Variants in WDR35 observed in about 807,000 individuals in gnomAD.
WDR35 encodes WD repeat-containing protein 35.
Under a neutral mutation model 158.3 loss-of-function variants are expected in WDR35, and 118 were observed. That is an observed-to-expected ratio of 0.75 (90% CI 0.64 to 0.87). WDR35 has a LOEUF of 0.87. WDR35 is among the 40% of genes least tolerant of loss of function. The pLI is 0.00. For missense variants in WDR35, 1,263 were observed against 1,405.8 expected (o/e 0.90, Z 1.62); for synonymous variants, 448 against 476.1 (o/e 0.94, Z 0.77).
At position 19,934,024 on chromosome 2, in the gene WDR35, AACC is replaced by A. The variant is rs57759587; in HGVS notation, c.2548-516_2548-514del. The stretch of plus-strand genomic sequence containing the variant: ...TTGGAAAGTGGTGGCAGCGAGGAAG[AACC>A]ACCACCACCACCACCACCACCACCA... On this transcript the variant is annotated intron_variant, in intron 21 of 26. Transcript: ENST00000281405. The surrounding 1 kb of genome is among the most constrained non-coding windows in gnomAD (Gnocchi z 4.6). Among the ~76,000 whole-genome samples, 1,340 of 105,074 alleles carry A rather than the reference AACC, an allele frequency of 0.013. 19 individuals are homozygous for A. The highest frequency in any genetic ancestry group is 0.016 in the Non-Finnish European group (865 of 54,080). 68.9% of individuals were successfully genotyped at this position (105,074 alleles called of 152,430 possible). A position where few individuals can be genotyped will look rare whatever the true frequency, so the allele number is the denominator to read the frequency against.
At chr2:19,965,403 G>T (rs1281875956) in intron 10 of WDR35, among the ~76,000 whole-genome samples, 1 of 152,158 alleles carries the variant, frequency 6.6e-6, no homozygotes, top group African/African-American at 2.4e-5. Context: ...GAGCCTCACT[G>T]ACTGGCGTCT....
chr2:19,952,509 A>G (rs1044099271), intron 12 of WDR35, among the ~76,000 whole-genome samples: 22 of 152,168 alleles, frequency 1.4e-4, no homozygotes, highest in African/African-American at 5.3e-4. Context: ...AACTAATGTC[A>G]TAATCTCTTT....
At chr2:19,952,299 C>T (rs886386864) in intron 12 of WDR35, among the ~76,000 whole-genome samples, 1 of 152,118 alleles carries the variant, frequency 6.6e-6, no homozygotes, top group Admixed American at 6.5e-5. Context: ...CTCTGCAAAA[C>T]AAGAATAATG....
intron 2 of WDR35, among the ~76,000 whole-genome samples, chr2:19,987,823 C>CAAAA (rs34794090): frequency 1.2e-4 from 7 of 57,138 alleles, no homozygotes; most frequent in East Asian, 4.8e-4. Flanking sequence ...AACTCTGTCT[C>CAAAA]AAAAAAAAAA....
chr2:19,915,372 G>T (rs1424246531), intron 25 of WDR35, among the ~76,000 whole-genome samples: 1 of 150,908 alleles, frequency 6.6e-6, no homozygotes, highest in African/African-American at 2.4e-5. Flanking sequence ...CATATCCAAA[G>T]CATGATAGGT....
chr2:19,965,910 T>G (rs1481183375), intron 10 of WDR35, among the ~76,000 whole-genome samples: 1 of 152,232 alleles, frequency 6.6e-6, no homozygotes, highest in Non-Finnish European at 1.5e-5. Flanking sequence ...GCCAGTTGCC[T>G]CTGTTTTCTC....
At chr2:19,968,992 G>A (rs11680554) in intron 9 of WDR35, among the ~76,000 whole-genome samples, 27,406 of 152,154 alleles carry the variant, frequency 0.18, 2,896 homozygotes, top group Non-Finnish European at 0.23. Context: ...CAAGTGGAGA[G>A]GTGAGTTGGA....
At chr2:19,967,804 T>C (rs1329844780) in intron 9 of WDR35, among the ~76,000 whole-genome samples, 2 of 152,160 alleles carry the variant, frequency 1.3e-5, no homozygotes, top group Non-Finnish European at 1.5e-5. Context: ...ATTTCCCTTA[T>C]TGTTAACATT....
intron 25 of WDR35, among the ~76,000 whole-genome samples, chr2:19,928,089 G>A: frequency 6.6e-6 from 1 of 152,208 alleles, no homozygotes; most frequent in Admixed American, 6.5e-5. Context: ...ACAGGTTCAT[G>A]ATGGCCATAA....
At chr2:19,954,441 C>G (rs1049959358) in intron 11 of WDR35, among the ~76,000 whole-genome samples, 1 of 152,082 alleles carries the variant, frequency 6.6e-6, no homozygotes, top group African/African-American at 2.4e-5. Context: ...GAAATTTTAT[C>G]TAGAAAATAT....
At chr2:19,917,648 A>G (rs1300959771) in intron 25 of WDR35, among the ~76,000 whole-genome samples, 1 of 152,252 alleles carries the variant, frequency 6.6e-6, no homozygotes, top group Non-Finnish European at 1.5e-5. Flanking sequence ...GATATCAGAC[A>G]TTGAAGATCA....
At chr2:19,938,053 C>T in intron 18 of WDR35, 107 bp from the exon 19 acceptor site, 48 of 1,455,592 alleles carry the variant, frequency 3.3e-5, no homozygotes, top group Non-Finnish European at 4.4e-5. Context: ...TCTAGAGAAA[C>T]ATGGTGGAAA....
chr2:19,948,597 C>G (rs1358546560), intron 13 of WDR35, among the ~76,000 whole-genome samples: 1 of 152,124 alleles, frequency 6.6e-6, no homozygotes, highest in African/African-American at 2.4e-5. Context: ...AGGGCCAGCA[C>G]ATACTAAATT....
At position 19,975,625 on chromosome 2, in the gene WDR35, G is replaced by A. The variant is rs376409986; in HGVS notation, c.475C>T (p.Leu159=). ...IWGKDLKGIQ[L]SHVTWSADSK... ...TCCGCAGACCATGTTACATGGGATA[G>A]CTGTATACCCTTCAGGTCTTTTCCC... The change falls in exon 6 of 27, where the codon CTA becomes TTA. Residue 159 remains leucine, a synonymous_variant. Transcript: ENST00000281405. 2.5e-6 allele frequency: 4 copies of A among 1,614,074 alleles called. No individual in the cohort carries two copies. The South Asian group carries it at 4.4e-5, about 18-fold the overall frequency.
intron 5 of WDR35, among the ~76,000 whole-genome samples, chr2:19,977,442 C>T (rs1337433254): frequency 6.6e-6 from 1 of 152,208 alleles, no homozygotes; most frequent in African/African-American, 2.4e-5. Context: ...GCCCTGGGGA[C>T]TTCCATCCTC....
rs1672482602 is a variant in WDR35, at chr2:19,984,172, T to C, written c.143-1638A>G. 2.0e-5 allele frequency among the ~76,000 whole-genome samples: 3 copies of C among 152,220 alleles called. No homozygotes were observed. The South Asian group carries it at 6.2e-4, about 32-fold the overall frequency. On this transcript the variant is annotated intron_variant, in intron 2 of 26. Coordinates refer to ENST00000281405, the MANE Select transcript of WDR35 (RefSeq NM_020779.4). ...GGTAGCATACTCTTGACAAAACACATGCTGACAGTTAAGAACAGGCTTTGA... is the reference window on the plus strand; with the variant it reads ...GGTAGCATACTCTTGACAAAACACACGCTGACAGTTAAGAACAGGCTTTGA...
intron 5 of WDR35, among the ~76,000 whole-genome samples, chr2:19,976,492 A>G (rs1672217296): frequency 1.3e-5 from 2 of 152,184 alleles, no homozygotes; most frequent in African/African-American, 4.8e-5. Context: ...ATATATCCAT[A>G]TAACAAACCT....
At chr2:19,983,374 AG>A (rs1375142847) in intron 2 of WDR35, among the ~76,000 whole-genome samples, 1 of 152,228 alleles carries the variant, frequency 6.6e-6, no homozygotes, top group Non-Finnish European at 1.5e-5. Context: ...ACAAGGCTGG[AG>A]TGATAGGCAC....
chr2:19,989,453 C>T (rs1672678667), intron 1 of WDR35, among the ~76,000 whole-genome samples, 171 bp from the exon 2 acceptor site: 1 of 152,124 alleles, frequency 6.6e-6, no homozygotes, highest in Non-Finnish European at 1.5e-5. Context: ...GACCCGGGCT[C>T]TAGCATTTGG....
Sources: gnomAD v4.1 joint callset for allele counts (sites outside exome capture counted in the v4.1 genomes callset) on GRCh38, gnomAD v4.1.1 for gene constraint, Gnocchi (gnomAD v3.1) non-coding constraint, MANE v1.5 for transcripts, NCBI Gene and HGNC (gene_info 2026-07-23, HGNC 2026-07-21) for gene names.